The following DNAH9 variants were observed in gnomAD, a reference collection of about 807,000 sequenced individuals.
DNAH9 encodes dynein axonemal heavy chain 9, also known as DNAH9 variant protein.
DNAH9 carries 345 observed loss-of-function variants against 471.6 expected under a neutral mutation model. That is an observed-to-expected ratio of 0.73 (90% CI 0.67 to 0.80). The LOEUF (loss-of-function observed/expected upper bound fraction) is 0.80, where lower values mean the gene tolerates loss of function less well. Ranked by LOEUF, DNAH9 falls within the 30% of genes least tolerant of loss-of-function variation. DNAH9 has a pLI of 0.00. For missense variants in DNAH9, 5,407 were observed against 5,609.2 expected, an observed-to-expected ratio of 0.96 and a Z score of 1.15; for synonymous variants, 2,093 against 2,123.6, an observed-to-expected ratio of 0.99 and a Z score of 0.40.
At chr17:11,643,746 C>T (rs2073324301) in intron 10 of DNAH9, among the ~76,000 whole-genome samples, 1 of 152,132 alleles carries the variant, frequency 6.6e-6, no homozygotes, top group South Asian at 2.1e-4. Flanking sequence ...GCTTTATGGT[C>T]TAGCTTAGCC....
intron 42 of DNAH9, among the ~76,000 whole-genome samples, chr17:11,794,806 A>C (rs1969185898): frequency 6.6e-6 from 1 of 151,762 alleles, no homozygotes; most frequent in Non-Finnish European, 1.5e-5. Context: ...CTGTCATGAA[A>C]TGAGTTGAGA....
At chr17:11,616,940 G>T (rs2072758857) in intron 4 of DNAH9, among the ~76,000 whole-genome samples, 1 of 152,136 alleles carries the variant, frequency 6.6e-6, no homozygotes, top group Non-Finnish European at 1.5e-5. Flanking sequence ...TGTTTATAAA[G>T]ATTCCTATTG....
intron 57 of DNAH9, among the ~76,000 whole-genome samples, chr17:11,888,643 A>T (rs1175613252): frequency 6.6e-6 from 1 of 152,212 alleles, no homozygotes; most frequent in Non-Finnish European, 1.5e-5. Context: ...AAGAATTGCA[A>T]AAACAGCTGT....
chr17:11,822,554 G>A lies in DNAH9; in HGVS notation c.8967G>A (p.Leu2989=). 6.2e-7 allele frequency: 1 copy of A among 1,614,134 alleles called. No individual in the cohort carries two copies. Among genetic ancestry groups the A allele is most frequent in the Non-Finnish European group, 8.5e-7 (1 of 1,180,030 alleles). The change falls in exon 47 of 69, where the codon TTG becomes TTA. Residue 2989 remains leucine, a synonymous_variant. Coordinates refer to ENST00000262442, the MANE Select transcript of DNAH9 (RefSeq NM_001372.4). ...TCCACGAGTGGCCTCAGCAAGCATT[G>A]GAGTCTGTCAGCCTCCGCTTCTTGC... ...HWFHEWPQQA[L]ESVSLRFLQN...
Position 11,894,471 on chromosome 17 carries a change from C to G in DNAH9, c.11381C>G (p.Ser3794Cys). 1.2e-6 allele frequency: 2 copies of G among 1,614,168 alleles called. No homozygotes were observed. The highest frequency in any genetic ancestry group is 1.7e-6 in the Non-Finnish European group (2 of 1,180,014). ...ACCGCCAGCCCCGTGGAGTTCCTCTCCCATCAGGCGTGGGGAGCTGTCAAG... is the reference window on the plus strand; with the variant it reads ...ACCGCCAGCCCCGTGGAGTTCCTCTGCCATCAGGCGTGGGGAGCTGTCAAG... ...TGTASPVEFLSHQAWGAVKVL... is the reference protein window; with the variant it reads ...TGTASPVEFLCHQAWGAVKVL... Residue 3794 changes from serine (S) to cysteine (C), a missense_variant, in exon 59 of 69, where the codon TCC becomes TGC. By Grantham distance (112) the Ser-to-Cys change is moderately radical (BLOSUM62 -1). Transcript: ENST00000262442.
chr17:11,672,313 C>T (rs2150731831), intron 17 of DNAH9, among the ~76,000 whole-genome samples: 1 of 152,254 alleles, frequency 6.6e-6, no homozygotes, highest in Admixed American at 6.5e-5. Flanking sequence ...CAGCAAATGC[C>T]CACTGTCCCT....
At position 11,784,293 on chromosome 17, in the gene DNAH9, T is replaced by C. The variant is rs1968776080; in HGVS notation, c.7822-7T>C. 4.3e-6 allele frequency: 7 copies of C among 1,613,924 alleles called. No individual in the cohort carries two copies. The highest frequency in any genetic ancestry group is 1.1e-5 in the South Asian group (1 of 91,078). On this transcript the variant is annotated splice_region_variant and splice_polypyrimidine_tract_variant and intron_variant, in intron 40 of 68. Coordinates refer to ENST00000262442, the MANE Select transcript of DNAH9 (RefSeq NM_001372.4). Reference sequence around the variant, plus strand: ...ATGTTGAGCTCATGCCTTTGTTTCCTGTACAGCGTCACTTCAGCGTGTTTG... The same window carrying C: ...ATGTTGAGCTCATGCCTTTGTTTCCCGTACAGCGTCACTTCAGCGTGTTTG...
chr17:11,642,097 G>A (rs936178452), intron 10 of DNAH9, among the ~76,000 whole-genome samples: 5 of 152,170 alleles, frequency 3.3e-5, no homozygotes, highest in African/African-American at 1.2e-4. Flanking sequence ...AACACTCCTG[G>A]CTGGAGGGGA....
chr17:11,739,434 A>G (rs1439350000), intron 29 of DNAH9, among the ~76,000 whole-genome samples: 2 of 152,234 alleles, frequency 1.3e-5, no homozygotes, highest in South Asian at 4.1e-4. Flanking sequence ...GTTAAATATT[A>G]AGACTTTCTA....
intron 1 of DNAH9, among the ~76,000 whole-genome samples, chr17:11,606,363 A>G (rs910588071): frequency 2.0e-5 from 3 of 149,940 alleles, no homozygotes; most frequent in Non-Finnish European, 4.4e-5. Context: ...TCTTTCTGGT[A>G]TTCTCCTTCC....
chr17:11,650,422 T>C (rs1013207682), intron 12 of DNAH9, among the ~76,000 whole-genome samples: 5 of 152,244 alleles, frequency 3.3e-5, no homozygotes, highest in African/African-American at 1.2e-4. Context: ...ACTTCTTCAG[T>C]TGCTGCTGAA....
chr17:11,645,609 C>T (rs751567137), intron 11 of DNAH9, among the ~76,000 whole-genome samples: 2 of 152,142 alleles, frequency 1.3e-5, no homozygotes, highest in African/African-American at 2.4e-5. Flanking sequence ...TTTGCCTCCT[C>T]GTCACCACCT....
At chr17:11,625,488 AG>A (rs1384024215) in intron 6 of DNAH9, among the ~76,000 whole-genome samples, 1 of 152,230 alleles carries the variant, frequency 6.6e-6, no homozygotes, top group Non-Finnish European at 1.5e-5. Flanking sequence ...CAAAAGGTAA[AG>A]AAAACAGTCT....
chr17:11,811,952 T>A (rs1447284360), intron 45 of DNAH9, among the ~76,000 whole-genome samples: 4 of 116,730 alleles, frequency 3.4e-5, no homozygotes, highest in African/African-American at 1.3e-4. Context: ...ATCATGCCAC[T>A]GCACTCCAGT....
intron 21 of DNAH9, 99 bp from the exon 22 acceptor site, chr17:11,694,222 T>C: frequency 7.2e-7 from 1 of 1,380,604 alleles, no homozygotes; most frequent in Non-Finnish European, 1.0e-6. Flanking sequence ...TGCTAATGCA[T>C]ATGTTCCGTC....
chr17:11,601,639 C>G (rs1052912715), intron 1 of DNAH9, among the ~76,000 whole-genome samples: 1 of 152,156 alleles, frequency 6.6e-6, no homozygotes, highest in South Asian at 2.1e-4. Context: ...TACTTTTATT[C>G]CATACCCTGA....
chr17:11,794,538 C>G lies in DNAH9; in HGVS notation c.8223+874C>G, dbSNP rs552254869. On this transcript the variant is annotated intron_variant, in intron 42 of 68. Coordinates refer to ENST00000262442, the MANE Select transcript of DNAH9 (RefSeq NM_001372.4). ...GTCTTCTCTTCTCCAGGCGAAATAGCCTGAATCCTTTTAACCATTTCTGAC... is the reference window on the plus strand; with the variant it reads ...GTCTTCTCTTCTCCAGGCGAAATAGGCTGAATCCTTTTAACCATTTCTGAC... Among the ~76,000 whole-genome samples, 14 of 152,248 alleles carry G rather than the reference C, an allele frequency of 9.2e-5. No homozygotes were observed. In the South Asian group the frequency reaches 1.2e-3, roughly 14 times the overall value.
At chr17:11,687,706 T>C (rs550223915) in intron 19 of DNAH9, among the ~76,000 whole-genome samples, 58 of 152,174 alleles carry the variant, frequency 3.8e-4, no homozygotes, top group African/African-American at 1.3e-3. Flanking sequence ...GTGGTGTGTC[T>C]AGTATGTAGC....
Position 11,617,357 on chromosome 17 carries a change from C to A in DNAH9, c.905-54C>A, listed in dbSNP as rs140159236. On this transcript the variant is annotated intron_variant, in intron 4 of 68. Transcript: ENST00000262442. ...TACTTCCCAGGGACTAGGGCTCCAC[C>A]AGGTGGGTATTAGGCTCCAGATGGG... is the stretch of plus-strand genomic sequence containing the variant. The A allele has an allele frequency of 1.1e-4, 145 of 1,301,256 alleles. No individual in the cohort carries two copies. In the African/African-American group the frequency reaches 1.8e-3, roughly 16 times the overall value. The allele number at this position is 1,301,256 out of a possible 1,614,324, so 80.6% of individuals were successfully genotyped here.
Sources: allele counts gnomAD v4.1 joint callset (sites outside exome capture counted in the v4.1 genomes callset), GRCh38; gene constraint gnomAD v4.1.1; transcripts MANE v1.5; gene names NCBI Gene and HGNC (gene_info 2026-07-23, HGNC 2026-07-21).